The following USP36 variants were observed in gnomAD, a reference collection of about 807,000 sequenced individuals.
The protein encoded by USP36 is ubiquitin specific peptidase 36.
USP36 carries 59 observed loss-of-function variants against 111.5 expected under a neutral mutation model. That is an observed-to-expected ratio of 0.53 (90% CI 0.43 to 0.66). The LOEUF (loss-of-function observed/expected upper bound fraction) is 0.66. Ranked by LOEUF, USP36 falls within the 30% of genes least tolerant of loss-of-function variation. USP36 has a pLI of 0.00. For missense variants in USP36, 1,488 were observed against 1,468.0 expected, an observed-to-expected ratio of 1.01 and a Z score of -0.22; for synonymous variants, 628 against 581.0, an observed-to-expected ratio of 1.08 and a Z score of -1.16.
chr17:78,813,079 C>T lies in USP36; in HGVS notation c.1266-78G>A, dbSNP rs918072455. ...CGGAGAGAATTAGAATAAGTTAAGG[C>T]GGGGCAAAGGCAGAAACACGGCCTG... is the stretch of plus-strand genomic sequence containing the variant. On this transcript the variant is annotated intron_variant, in intron 12 of 20. Transcript: ENST00000449938. The T allele has an allele frequency of 2.3e-4, 358 of 1,575,038 alleles. 1 individual carries two copies. Among genetic ancestry groups the T allele is most frequent in the Non-Finnish European group, 2.8e-4 (320 of 1,155,162 alleles).
chr17:78,834,997 G>GTGTATATATATATATATATATATATA (rs968867639), intron 4 of USP36, among the ~76,000 whole-genome samples: 66 of 141,416 alleles, frequency 4.7e-4, no homozygotes, highest in African/African-American at 1.7e-3. Context: ...AATAATATTT[G>GTGTATATATATATATATATATATATA]TATATATATA....
chr17:78,836,322 G>T lies in USP36; in HGVS notation c.42C>A (p.Gly14=). 1 of 1,614,160 alleles carries T rather than the reference G, an allele frequency of 6.2e-7. No homozygotes were observed. The highest frequency in any genetic ancestry group is 8.5e-7 in the Non-Finnish European group (1 of 1,180,034). The part of the protein sequence containing the change: ...VDKLKEALKP[G]RKDSADDGEL... The stretch of plus-strand genomic sequence containing the variant: ...CTCCATCATCAGCCGAGTCCTTGCG[G>T]CCGGGTTTCAGGGCCTCCTTCAACT... Residue 14 remains glycine (G), a synonymous_variant, in exon 3 of 21, where the codon GGC becomes GGA. Coordinates refer to ENST00000449938, the MANE Select transcript of USP36 (RefSeq NM_001385174.1).
intron 4 of USP36, among the ~76,000 whole-genome samples, chr17:78,834,831 T>C (rs1045163644): frequency 9.2e-5 from 14 of 151,870 alleles, no homozygotes; most frequent in African/African-American, 2.7e-4. Context: ...CATAAAACAA[T>C]TGGGCTAGGC....
upstream of USP36, chr17:78,840,977 G>T (rs567440674): frequency 6.6e-6 from 1 of 152,396 alleles, no homozygotes; most frequent in South Asian, 2.1e-4. Flanking sequence ...TGTCGCCTAC[G>T]TCACCTCCCC....
At chr17:78,791,227 C>T (rs554485864), downstream of USP36, among the ~76,000 whole-genome samples, 436 of 151,512 alleles carry the variant, frequency 2.9e-3, 1 homozygote, top group African/African-American at 9.9e-3. Flanking sequence ...CTCCACCTCC[C>T]GGGTTCAAGC....
In USP36 at chr17:78,812,808, T is replaced by G; in HGVS notation, c.1407+52A>C. On this transcript the variant is annotated intron_variant, in intron 13 of 20. Transcript: ENST00000449938. ...CCAACTTCCCAAGTGTGAGGAGGTCTGTGAGGAGCACCAAGACCAGCCACT... is the reference window on the plus strand; with the variant it reads ...CCAACTTCCCAAGTGTGAGGAGGTCGGTGAGGAGCACCAAGACCAGCCACT... 2.5e-6 allele frequency: 4 copies of G among 1,604,472 alleles called. No individual in the cohort carries two copies. In the Admixed American group the frequency reaches 6.7e-5, roughly 27 times the overall value.
At chr17:78,825,352 C>T (rs532057767) in intron 6 of USP36, among the ~76,000 whole-genome samples, 61 of 152,290 alleles carry the variant, frequency 4.0e-4, no homozygotes, top group African/African-American at 1.4e-3. Context: ...AAGGCCCCTC[C>T]ACCTGCAAAT....
intron 4 of USP36, among the ~76,000 whole-genome samples, chr17:78,832,145 A>C (rs1275955031): frequency 6.6e-6 from 1 of 152,212 alleles, no homozygotes; most frequent in Non-Finnish European, 1.5e-5. Context: ...TTTGGGAAAC[A>C]AAAGGACAGG....
chr17:78,798,954 G>T lies in USP36; in HGVS notation c.3194C>A (p.Thr1065Asn), dbSNP rs777066797. The T allele has an allele frequency of 2.0e-5, 33 of 1,614,154 alleles. 1 individual carries two copies. The South Asian group carries it at 2.6e-4, about 13-fold the overall frequency. The change falls in exon 19 of 21, where the codon ACT (threonine) becomes AAT (asparagine). Residue 1065 changes from threonine (T) to asparagine (N), a missense_variant. Thr to Asn is a moderately conservative substitution (Grantham distance 65, BLOSUM62 0). Transcript: ENST00000449938. This position sits in a 1 kb window ranked among gnomAD's most constrained non-coding sequence, Gnocchi z 5.1. Reference protein sequence around the residue: ...DAIEDSRQARTETVVDDWDEE... With the variant: ...DAIEDSRQARNETVVDDWDEE... ...GTCCCAGTCATCAACCACGGTCTCAGTCCGGGCCTGTCTGCTGTCTTCAAT... is the reference window on the plus strand; with the variant it reads ...GTCCCAGTCATCAACCACGGTCTCATTCCGGGCCTGTCTGCTGTCTTCAAT...
chr17:78,814,417 C>T lies in USP36; in HGVS notation c.1159G>A (p.Val387Met), dbSNP rs779588166. Reference sequence around the variant, plus strand: ...CACTGACACAAGCCTCTCACCTTCACGTAGCAGTAATAGTGCCCGGCATGG... The same window carrying T: ...CACTGACACAAGCCTCTCACCTTCATGTAGCAGTAATAGTGCCCGGCATGG... ...SCHAGHYYCY[V>M]KASNGQWYQM... The change falls in exon 11 of 21, where the codon GTG (valine) becomes ATG (methionine). Residue 387 changes from valine (V) to methionine (M), a missense_variant. By Grantham distance (21) the Val-to-Met change is conservative (BLOSUM62 1). Around this residue, in one of 3 missense-constraint regions of USP36, gnomAD observed 1,073 missense variants for 994.1 expected, o/e 1.08. Coordinates refer to ENST00000449938, the MANE Select transcript of USP36 (RefSeq NM_001385174.1). The T allele has an allele frequency of 3.7e-6, 6 of 1,613,938 alleles. No individual in the cohort carries two copies. Among genetic ancestry groups the T allele is most frequent in the East Asian group, 2.2e-5 (1 of 44,896 alleles).
rs1397690786 is a variant in USP36 at position 78,803,023 on chromosome 17, C to A, written c.2810+362G>T. On this transcript the variant is annotated intron_variant, in intron 16 of 20. Transcript: ENST00000449938. The surrounding 1 kb of genome is among the most constrained non-coding windows in gnomAD (Gnocchi z 4.6). ...ACGCGATCTCAGCTCACTGCAACCT[C>A]CACCTCCTGGGCTCAAACCATCCTC... Among the ~76,000 whole-genome samples the A allele has an allele frequency of 1.3e-5, 2 of 152,138 alleles. No homozygotes were observed. Among genetic ancestry groups the A allele is most frequent in the Non-Finnish European group, 2.9e-5 (2 of 68,032 alleles).
downstream of USP36, among the ~76,000 whole-genome samples, chr17:78,794,232 C>T (rs1459229047): frequency 1.3e-5 from 2 of 152,250 alleles, no homozygotes; most frequent in East Asian, 1.9e-4. Flanking sequence ...CTCTGCACTC[C>T]ACCAGCCGCC....
At chr17:78,793,327 GGAGA>G (rs1342333504), downstream of USP36, among the ~76,000 whole-genome samples, 4 of 152,096 alleles carry the variant, frequency 2.6e-5, no homozygotes, top group Non-Finnish European at 4.4e-5. Context: ...GAAAAGAATG[GGAGA>G]GAGAGGAAGG....
intron 10 of USP36, among the ~76,000 whole-genome samples, 162 bp downstream of exon 10, chr17:78,818,505 G>A (rs1017040341): frequency 1.3e-5 from 2 of 152,184 alleles, no homozygotes; most frequent in Non-Finnish European, 2.9e-5. Flanking sequence ...GGACAAGGGC[G>A]AAACTACAGT....
In USP36 at chr17:78,798,482, G is replaced by A. The variant is rs1460666145; in HGVS notation, c.3310C>T (p.Arg1104Ter). 3 of 1,614,150 alleles carry A rather than the reference G, an allele frequency of 1.9e-6. No homozygotes were observed. The highest frequency in any genetic ancestry group is 2.5e-6 in the Non-Finnish European group (3 of 1,180,034). Residue 1104 changes from arginine to a stop codon, truncating the protein, a stop_gained, in exon 20 of 21, where the codon CGA becomes TGA. Transcript: ENST00000449938. LOFTEE classifies it high-confidence loss of function. The surrounding 1 kb of genome is among the most constrained non-coding windows in gnomAD (Gnocchi z 5.1). ...TGAGTCACAGACCAGAAGTTCCGTC[G>A]AGTCTGAAGTTTCTGGAAGGCGTTG... is the stretch of plus-strand genomic sequence containing the variant. Reference protein sequence around the residue: ...NFNAFQKLQTRRNFWSVTHPA... With the variant: ...NFNAFQKLQT
intron 15 of USP36, among the ~76,000 whole-genome samples, chr17:78,804,680 C>CAA (rs201571699): frequency 5.9e-5 from 5 of 85,108 alleles, no homozygotes; most frequent in African/African-American, 8.9e-5. Flanking sequence ...TTTTAAAAGT[C>CAA]AAAAAAAAAA....
rs537474934 is a variant in USP36 at position 78,828,258 on chromosome 17, A to T, written c.586+639T>A. 1.2e-4 allele frequency among the ~76,000 whole-genome samples: 19 copies of T among 152,330 alleles called. No homozygotes were observed. In the South Asian group the frequency reaches 3.9e-3, roughly 32 times the overall value. The stretch of plus-strand genomic sequence containing the variant: ...TCCATTGAATATCTCTCCAAAAGCC[A>T]ATATAAAACACAGGTGAGTAAGTAT... On this transcript the variant is annotated intron_variant, in intron 5 of 20. Coordinates refer to ENST00000449938, the MANE Select transcript of USP36 (RefSeq NM_001385174.1).
At chr17:78,817,152 G>A (rs953699808) in intron 10 of USP36, among the ~76,000 whole-genome samples, 4 of 152,178 alleles carry the variant, frequency 2.6e-5, no homozygotes, top group African/African-American at 9.7e-5. Flanking sequence ...GACAGGAACA[G>A]GCTGTGTAGG....
At chr17:78,795,450 G>A (rs1207669042), downstream of USP36, among the ~76,000 whole-genome samples, 2 of 152,194 alleles carry the variant, frequency 1.3e-5, no homozygotes, top group African/African-American at 4.8e-5. The surrounding 1 kb of genome is among the most constrained non-coding windows in gnomAD (Gnocchi z 4.5). Context: ...CAACCCGCCT[G>A]CGCCCCGGGG....
Sources: gnomAD v4.1 joint callset for allele counts (sites outside exome capture counted in the v4.1 genomes callset) on GRCh38, gnomAD v4.1.1 for gene constraint, gnomAD v4.1.1 regional missense constraint, Gnocchi (gnomAD v3.1) non-coding constraint, MANE v1.5 for transcripts, NCBI Gene and HGNC (gene_info 2026-07-23, HGNC 2026-07-21) for gene names.